PDE10A: variants seen among roughly 807,000 people sequenced by gnomAD.
PDE10A encodes the protein cAMP and cAMP-inhibited cGMP 3',5'-cyclic phosphodiesterase 10A.
PDE10A carries 39 observed loss-of-function variants against 97.7 expected under a neutral mutation model. The ratio of observed to expected loss-of-function variants is 0.40; its 90% CI spans 0.31 to 0.52. PDE10A has a LOEUF of 0.52. Ranked by LOEUF, PDE10A falls within the 20% of genes least tolerant of loss-of-function variation. The probability of loss-of-function intolerance (pLI) is 0.56; values close to 1 mark genes in which losing one functional copy is unlikely to be tolerated. For synonymous variants in PDE10A, 371 were observed against 376.8 expected (o/e 0.98, Z 0.18); for missense variants, 731 against 1,047.8 (o/e 0.70, Z 4.17).
intron 1 of PDE10A, among the ~76,000 whole-genome samples, chr6:165,614,676 T>C (rs1263558336): frequency 2.0e-5 from 3 of 152,168 alleles, no homozygotes; most frequent in South Asian, 4.1e-4. Flanking sequence ...TTGTTCACTG[T>C]TGTATTTCCA....
chr6:165,777,162 A>G (rs1178356554), intron 1 of PDE10A, among the ~76,000 whole-genome samples: 2 of 152,186 alleles, frequency 1.3e-5, no homozygotes, highest in Non-Finnish European at 2.9e-5. Flanking sequence ...CGGGGCTGGC[A>G]TTGATAGGGG....
rs58319021 is a variant in PDE10A, at chr6:165,488,029, CAAAAAAAAAAAAAA to C, written c.995-5700_995-5687del. 2.0e-3 allele frequency among the ~76,000 whole-genome samples: 167 copies of C among 83,384 alleles called. 4 individuals are homozygous for C. In the East Asian group the frequency reaches 0.049, roughly 25 times the overall value. 54.7% of individuals were successfully genotyped at this position (83,384 alleles called of 152,430 possible). On this transcript the variant is annotated intron_variant, in intron 2 of 21. Transcript: ENST00000539869. Reference sequence around the variant, plus strand: ...GAGGCACTGATGAGGAACAAATTGGCAAAAAAAAAAAAAAAAAAAAAAAAAGTTCCAGAGGACAT... The same window carrying C: ...GAGGCACTGATGAGGAACAAATTGGCAAAAAAAAAAAGTTCCAGAGGACAT...
chr6:165,350,072 G>C (rs999401063), intron 18 of PDE10A, among the ~76,000 whole-genome samples: 9 of 152,188 alleles, frequency 5.9e-5, no homozygotes, highest in Non-Finnish European at 1.2e-4. Context: ...GTGCCTTGTG[G>C]AGCTGTGAGA....
At chr6:165,638,767 G>C (rs1465845271) in intron 1 of PDE10A, among the ~76,000 whole-genome samples, 1 of 152,082 alleles carries the variant, frequency 6.6e-6, no homozygotes, top group Non-Finnish European at 1.5e-5. Context: ...GTATTTAGTT[G>C]CCTACCTAGC....
intron 5 of PDE10A, among the ~76,000 whole-genome samples, chr6:165,441,441 A>G (rs1041188274): frequency 6.6e-6 from 1 of 152,260 alleles, no homozygotes; most frequent in Non-Finnish European, 1.5e-5. Flanking sequence ...TTAAACAAAC[A>G]GCATTTATGG....
intron 1 of PDE10A, among the ~76,000 whole-genome samples, chr6:165,917,831 C>T (rs1017284923): frequency 8.5e-5 from 13 of 152,148 alleles, no homozygotes; most frequent in African/African-American, 2.7e-4. Context: ...GAGCCCCTCA[C>T]GGGTTCTCTG....
intron 2 of PDE10A, among the ~76,000 whole-genome samples, chr6:165,538,089 T>A (rs1359220252): frequency 1.3e-5 from 2 of 152,084 alleles, no homozygotes; most frequent in Non-Finnish European, 2.9e-5. Context: ...TGCAATTTAA[T>A]CTGAATTTTA....
chr6:165,744,240 A>G (rs1264968071), intron 1 of PDE10A, among the ~76,000 whole-genome samples: 1 of 152,250 alleles, frequency 6.6e-6, no homozygotes, highest in Admixed American at 6.5e-5. Context: ...TTATGGAGCC[A>G]ACAGCATAAA....
chr6:165,798,572 T>A (rs1197325900), intron 1 of PDE10A, among the ~76,000 whole-genome samples: 1 of 151,136 alleles, frequency 6.6e-6, no homozygotes, highest in East Asian at 1.9e-4. Flanking sequence ...AAGGCAGGAG[T>A]ATGGTTGGGG....
chr6:165,416,410 G>C, intron 11 of PDE10A, 129 bp from the exon 12 acceptor site: 1 of 669,502 alleles, frequency 1.5e-6, no homozygotes, highest in South Asian at 1.8e-5. Flanking sequence ...TTACTTTTAC[G>C]TTTACATATT....
chr6:165,532,329 A>AT (rs1782829572), intron 2 of PDE10A, among the ~76,000 whole-genome samples: 1 of 151,130 alleles, frequency 6.6e-6, no homozygotes, highest in Admixed American at 6.6e-5. Flanking sequence ...AGATAAGCGC[A>AT]TATCTAGTAT....
chr6:165,885,541 G>A (rs912411762), intron 1 of PDE10A, among the ~76,000 whole-genome samples: 1 of 152,222 alleles, frequency 6.6e-6, no homozygotes, highest in Non-Finnish European at 1.5e-5. Context: ...ATCAGTGGGT[G>A]AGGATGAGGT....
chr6:165,446,083 G>C (rs1033495054), intron 5 of PDE10A, among the ~76,000 whole-genome samples: 3 of 152,000 alleles, frequency 2.0e-5, no homozygotes, highest in Admixed American at 2.0e-4. Context: ...ATATGTACAG[G>C]AAATAAAAAA....
chr6:165,964,026 G>C (rs911212579), intron 1 of PDE10A, among the ~76,000 whole-genome samples: 2 of 152,140 alleles, frequency 1.3e-5, no homozygotes, highest in African/African-American at 4.8e-5. Context: ...CAAAAACAGT[G>C]GTTCTTTGTT....
intron 2 of PDE10A, among the ~76,000 whole-genome samples, chr6:165,485,594 C>CTT (rs761374906): frequency 2.9e-5 from 4 of 139,104 alleles, no homozygotes; most frequent in African/African-American, 2.6e-5. Context: ...TGACAGCATC[C>CTT]TTTTTTTTTT....
chr6:165,712,264 G>A (rs751529781), intron 1 of PDE10A, among the ~76,000 whole-genome samples: 39 of 152,162 alleles, frequency 2.6e-4, no homozygotes, highest in Non-Finnish European at 3.2e-4. Flanking sequence ...TTGCCTTGAA[G>A]GACCGTTTCA....
At chr6:165,568,600 T>A (rs186339172) in intron 1 of PDE10A, among the ~76,000 whole-genome samples, 1 of 152,152 alleles carries the variant, frequency 6.6e-6, no homozygotes, top group African/African-American at 2.4e-5. Flanking sequence ...TCAACTGTCA[T>A]GGTATCCCAG....
chr6:165,844,326 C>T lies in PDE10A; in HGVS notation c.-615+143203G>A, dbSNP rs182324050. Among the ~76,000 whole-genome samples, 10 of 152,254 alleles carry T rather than the reference C, an allele frequency of 6.6e-5. No individual in the cohort carries two copies. The East Asian group carries it at 1.7e-3, about 26-fold the overall frequency. Reference sequence around the variant, plus strand: ...AGGACAGAGGAAAGCTGACCTGTTCCGTGTCCAGATTCAAGTTCTGTAAGC... The same window carrying T: ...AGGACAGAGGAAAGCTGACCTGTTCTGTGTCCAGATTCAAGTTCTGTAAGC... On this transcript the variant is annotated intron_variant, in intron 1 of 19. Transcript: ENST00000366882.
At chr6:165,924,644 G>A (rs117146407) in intron 1 of PDE10A, among the ~76,000 whole-genome samples, 1 of 152,208 alleles carries the variant, frequency 6.6e-6, no homozygotes, top group Non-Finnish European at 1.5e-5. Context: ...GAGAATACTA[G>A]TGGTGGGCCA....
Sources: gnomAD v4.1 joint callset for allele counts (sites outside exome capture counted in the v4.1 genomes callset) on GRCh38, gnomAD v4.1.1 for gene constraint, MANE v1.5 for transcripts, NCBI Gene and HGNC (gene_info 2026-07-23, HGNC 2026-07-21) for gene names.